The following STOML3 variants were observed in gnomAD, a reference collection of about 807,000 sequenced individuals.
STOML3 encodes the protein stomatin-like protein 3.
In STOML3, 31 loss-of-function variants were observed where a neutral mutation model predicts 29.5. The observed-to-expected ratio is 1.05, with a 90% confidence interval of 0.79 to 1.42. STOML3 has a LOEUF of 1.42. Ranked by LOEUF, STOML3 falls within the 40% of genes most tolerant of loss-of-function variation. STOML3 has a pLI of 0.00. For missense variants in STOML3, 380 were observed against 363.0 expected (o/e 1.05, Z -0.38); for synonymous variants, 122 against 139.8 (o/e 0.87, Z 0.90).
At chr13:38,975,657 A>C (rs1566205840) in intron 3 of STOML3, among the ~76,000 whole-genome samples, 1 of 152,142 alleles carries the variant, frequency 6.6e-6, no homozygotes, top group Non-Finnish European at 1.5e-5. Context: ...AATCCCATGA[A>C]ATTGCCATAT....
intron 1 of STOML3, among the ~76,000 whole-genome samples, chr13:38,988,812 T>C (rs998688326): frequency 7.0e-6 from 1 of 143,388 alleles, no homozygotes; most frequent in Non-Finnish European, 1.5e-5. Context: ...TTATAGTATA[T>C]AGTATATATA....
chr13:38,971,758 C>G (rs143504134), intron 4 of STOML3, among the ~76,000 whole-genome samples: 2,943 of 152,156 alleles, frequency 0.019, 39 homozygotes, highest in South Asian at 0.048. Context: ...AACCCTGTCT[C>G]CACTAAAAAT....
intron 1 of STOML3, among the ~76,000 whole-genome samples, chr13:38,979,831 G>A (rs527524054): frequency 6.6e-6 from 1 of 152,148 alleles, no homozygotes; most frequent in Non-Finnish European, 1.5e-5. Flanking sequence ...GTCATGTTTG[G>A]TGTGTTTCCT....
In STOML3 at chr13:38,976,691, T is replaced by G. The variant is rs776726657; in HGVS notation, c.156+3A>C. Reference sequence around the variant, plus strand: ...TAGCCCAGTTTATTTCCCAGGGTGTTACCTTCAAGCACATCCATATGGAGA... The same window carrying G: ...TAGCCCAGTTTATTTCCCAGGGTGTGACCTTCAAGCACATCCATATGGAGA... On this transcript the variant is annotated splice_donor_region_variant and intron_variant, in intron 2 of 6. Transcript: ENST00000379631. The G allele has an allele frequency of 1.2e-6, 2 of 1,614,032 alleles. No individual in the cohort carries two copies. The highest frequency in any genetic ancestry group is 1.7e-6 in the Non-Finnish European group (2 of 1,179,934).
chr13:38,971,818 G>T (rs1880878392), intron 4 of STOML3, among the ~76,000 whole-genome samples: 1 of 152,072 alleles, frequency 6.6e-6, no homozygotes, highest in African/African-American at 2.4e-5. Context: ...CCAGCTACTT[G>T]GGAGGCTGAG....
chr13:38,977,951 G>A (rs1336791668), intron 1 of STOML3, among the ~76,000 whole-genome samples: 1 of 151,570 alleles, frequency 6.6e-6, no homozygotes, highest in African/African-American at 2.4e-5. Context: ...TAGTAGAGGC[G>A]AGGATTCACC....
chr13:38,969,679 C>T (rs769161795), intron 5 of STOML3, among the ~76,000 whole-genome samples: 1 of 152,090 alleles, frequency 6.6e-6, no homozygotes, highest in African/African-American at 2.4e-5. Context: ...AGATCGATAG[C>T]TGTTACCTCT....
At chr13:38,982,688 C>T (rs890293445) in intron 1 of STOML3, among the ~76,000 whole-genome samples, 1 of 152,130 alleles carries the variant, frequency 6.6e-6, no homozygotes, top group African/African-American at 2.4e-5. Flanking sequence ...AAAAACCTGC[C>T]TTCGCTTTTT....
chr13:38,988,577 CATAT>C (rs1868829253), intron 1 of STOML3, among the ~76,000 whole-genome samples: 2 of 7,972 alleles, frequency 2.5e-4, no homozygotes, highest in East Asian at 4.9e-3. Context: ...TATTTTATAT[CATAT>C]ATTTTATATA....
Position 38,990,669 on chromosome 13 carries a change from C to G in STOML3, c.52+1G>C, listed in dbSNP as rs142194229. On this transcript the variant is annotated splice_donor_variant, in intron 1 of 6. Coordinates refer to ENST00000379631, the MANE Select transcript of STOML3 (RefSeq NM_145286.3). LOFTEE classifies it high-confidence loss of function. ...GCCTAAGACAGGAAAAAGGAACTTA[C>G]CCACGAAATTCTCTTTATCTTGCTT... 6.2e-7 allele frequency: 1 copy of G among 1,613,862 alleles called. No individual in the cohort carries two copies. The highest frequency in any genetic ancestry group is 8.5e-7 in the Non-Finnish European group (1 of 1,179,850).
At chr13:38,979,626 C>T (rs1227981070) in intron 1 of STOML3, among the ~76,000 whole-genome samples, 1 of 152,186 alleles carries the variant, frequency 6.6e-6, no homozygotes, top group African/African-American at 2.4e-5. Flanking sequence ...CCTCACTCTT[C>T]TTTATTGTTG....
rs1363993849 is a variant in STOML3 at position 38,970,391 on chromosome 13, G to A, written c.313-3C>T. 3 of 1,613,484 alleles carry A rather than the reference G, an allele frequency of 1.9e-6. No homozygotes were observed. Among genetic ancestry groups the A allele is most frequent in the Non-Finnish European group, 2.5e-6 (3 of 1,179,634 alleles). On this transcript the variant is annotated splice_region_variant and splice_polypyrimidine_tract_variant and intron_variant, in intron 4 of 6. Coordinates refer to ENST00000379631, the MANE Select transcript of STOML3 (RefSeq NM_145286.3). ...GTTACGGAGTCTCTGGTGAGGATCTGTGGAGTAAGAACAGGGCAAAATCAC... is the reference window on the plus strand; with the variant it reads ...GTTACGGAGTCTCTGGTGAGGATCTATGGAGTAAGAACAGGGCAAAATCAC...
At chr13:38,980,265 G>T in intron 1 of STOML3, 1 of 801,472 alleles carries the variant, frequency 1.2e-6, no homozygotes, top group Non-Finnish European at 2.0e-6. Flanking sequence ...CAGTTAAAGT[G>T]GGGCTGTGAG....
intron 1 of STOML3, among the ~76,000 whole-genome samples, chr13:38,986,189 C>T (rs1868540734): frequency 6.6e-6 from 1 of 151,382 alleles, no homozygotes; most frequent in Non-Finnish European, 1.5e-5. Context: ...ACGGCACCAC[C>T]ACACCCAGCT....
At chr13:38,988,315 ATATATTATATTTTATATAT>A in intron 1 of STOML3, among the ~76,000 whole-genome samples, 1 of 82,190 alleles carries the variant, frequency 1.2e-5, no homozygotes, top group African/African-American at 6.0e-5. Flanking sequence ...TTTATATATA[ATATATTATATTTTATATAT>A]AATATATTAT....
intron 5 of STOML3, among the ~76,000 whole-genome samples, chr13:38,969,268 G>A (rs1465387849): frequency 2.0e-5 from 3 of 152,170 alleles, no homozygotes; most frequent in Non-Finnish European, 4.4e-5. Context: ...TGGAGAAGAT[G>A]AGTGTCTTGA....
intron 1 of STOML3, among the ~76,000 whole-genome samples, chr13:38,980,618 A>G (rs1881239252): frequency 6.6e-6 from 1 of 152,174 alleles, no homozygotes; most frequent in African/African-American, 2.4e-5. Flanking sequence ...CCAAATCCAC[A>G]AATGTGTGTA....
At chr13:38,973,726 AC>A (rs1190033481) in intron 3 of STOML3, among the ~76,000 whole-genome samples, 1 of 152,210 alleles carries the variant, frequency 6.6e-6, no homozygotes, top group Non-Finnish European at 1.5e-5. Flanking sequence ...AGATATACAG[AC>A]TAAAGTGTTT....
intron 5 of STOML3, 62 bp downstream of exon 5, chr13:38,970,123 A>T (rs2138006272): frequency 1.4e-6 from 2 of 1,457,960 alleles, no homozygotes; most frequent in Non-Finnish European, 1.9e-6. Flanking sequence ...GACATTTAAT[A>T]ATCACTGATA....
Sources: allele counts gnomAD v4.1 joint callset (sites outside exome capture counted in the v4.1 genomes callset), GRCh38; gene constraint gnomAD v4.1.1; transcripts MANE v1.5; gene names NCBI Gene and HGNC (gene_info 2026-07-23, HGNC 2026-07-21).